The following ZNF423 variants were observed in gnomAD, a reference collection of about 807,000 sequenced individuals.
ZNF423 encodes the protein Ebf-associated zinc finger protein.
In ZNF423, 12 loss-of-function variants were observed where a neutral mutation model predicts 95.8. That is an observed-to-expected ratio of 0.13 (90% CI 0.08 to 0.20). The LOEUF (loss-of-function observed/expected upper bound fraction) is 0.20. ZNF423 is among the 10% of genes least tolerant of loss of function. ZNF423 has a pLI of 1.00. For missense variants in ZNF423, 1,316 were observed against 1,737.1 expected (o/e 0.76, Z 4.31); for synonymous variants, 749 against 711.9 (o/e 1.05, Z -0.83).
chr16:49,578,561 C>T (rs1970569265), intron 5 of ZNF423, among the ~76,000 whole-genome samples: 1 of 152,184 alleles, frequency 6.6e-6, no homozygotes, highest in Non-Finnish European at 1.5e-5. Context: ...TATTTCCCAG[C>T]CCCCTCGCCT....
intron 5 of ZNF423, among the ~76,000 whole-genome samples, chr16:49,599,567 T>A (rs1971290845): frequency 6.6e-6 from 1 of 152,162 alleles, no homozygotes; most frequent in Non-Finnish European, 1.5e-5. Flanking sequence ...CAGATGGGCT[T>A]AGCAGCACTG....
chr16:49,643,681 T>TA (rs942870222), intron 3 of ZNF423, among the ~76,000 whole-genome samples: 9 of 150,448 alleles, frequency 6.0e-5, no homozygotes, highest in East Asian at 2.0e-4. Flanking sequence ...AAAAATGAGT[T>TA]AAAAAAACAC....
At chr16:49,527,753 AAC>A (rs1345361316) in intron 5 of ZNF423, among the ~76,000 whole-genome samples, 1 of 152,190 alleles carries the variant, frequency 6.6e-6, no homozygotes, top group Admixed American at 6.5e-5. Flanking sequence ...TTACTCAAGT[AAC>A]ACAGCCAGAT....
chr16:49,651,555 C>A (rs758672215), intron 3 of ZNF423, among the ~76,000 whole-genome samples: 11 of 152,208 alleles, frequency 7.2e-5, no homozygotes, highest in Non-Finnish European at 1.3e-4. Context: ...CCAGCTCCCC[C>A]ACTTACTATG....
At chr16:49,693,104 C>T (rs1361679503) in intron 3 of ZNF423, among the ~76,000 whole-genome samples, 1 of 152,202 alleles carries the variant, frequency 6.6e-6, no homozygotes, top group Non-Finnish European at 1.5e-5. Flanking sequence ...ACATTAAGTG[C>T]TTATTACATG....
rs1297510160 is a variant in ZNF423 at position 49,855,992 on chromosome 16, G to C, written c.-218C>G. On this transcript the variant is annotated 5_prime_UTR_variant, in exon 1 of 8. Coordinates refer to ENST00000563137, the MANE Select transcript of ZNF423 (RefSeq NM_001379286.1). The surrounding 1 kb of genome is among the most constrained non-coding windows in gnomAD (Gnocchi z 4.7). The stretch of plus-strand genomic sequence containing the variant: ...GGCCGAGGCCGCTCGAAGGCGGGGG[G>C]AGGCCCGGGGGGCGCGCCGGGGCCC... 2 of 150,866 alleles carry C rather than the reference G, an allele frequency of 1.3e-5. No individual in the cohort carries two copies. Among genetic ancestry groups the C allele is most frequent in the Non-Finnish European group, 3.0e-5 (2 of 67,534 alleles). 9.3% of individuals were successfully genotyped at this position (150,866 alleles called of 1,614,324 possible). A position where few individuals can be genotyped will look rare whatever the true frequency, so the allele number is the denominator to read the frequency against.
intron 2 of ZNF423, among the ~76,000 whole-genome samples, chr16:49,769,914 G>A (rs1355562203): frequency 2.0e-5 from 3 of 151,896 alleles, no homozygotes; most frequent in African/African-American, 4.8e-5. Flanking sequence ...TGGCTCTAAC[G>A]CCCCCTCCTT....
Position 49,603,396 on chromosome 16 carries a change from C to A in ZNF423, c.3601+22774G>T, listed in dbSNP as rs1230096952. ...AAAGCCCAGCATATGGTTTTATACC[C>A]TACTGTCACTGTCTAGATTTTTTTT... On this transcript the variant is annotated intron_variant, in intron 5 of 7. Transcript: ENST00000563137. The surrounding 1 kb of genome is among the most constrained non-coding windows in gnomAD (Gnocchi z 4.1). Among the ~76,000 whole-genome samples, 3 of 152,062 alleles carry A rather than the reference C, an allele frequency of 2.0e-5. No individual in the cohort carries two copies. The highest frequency in any genetic ancestry group is 7.3e-5 in the African/African-American group (3 of 41,362).
intron 3 of ZNF423, among the ~76,000 whole-genome samples, chr16:49,713,506 C>A (rs1596903579): frequency 6.6e-6 from 1 of 152,136 alleles, no homozygotes. Flanking sequence ...CCCTCAGCAG[C>A]CTCCCTACAG....
intron 5 of ZNF423, among the ~76,000 whole-genome samples, chr16:49,615,123 C>T (rs1404476327): frequency 8.1e-6 from 1 of 124,174 alleles, no homozygotes; most frequent in African/African-American, 3.0e-5. Flanking sequence ...AAGAAAGAAA[C>T]TCCATCTCAC....
intron 3 of ZNF423, among the ~76,000 whole-genome samples, chr16:49,694,506 T>C (rs2031897713): frequency 6.6e-6 from 1 of 152,242 alleles, no homozygotes; most frequent in Admixed American, 6.5e-5. Flanking sequence ...AAAAACATCC[T>C]GCCTCTGCTC....
chr16:49,649,638 T>TACACAC lies in ZNF423; in HGVS notation c.302-10770_302-10765dup, dbSNP rs58838858. ...AAAGAAACCCTTTACTGCTTTGAAG[T>TACACAC]ACACACACACACACACACACACACA... On this transcript the variant is annotated intron_variant, in intron 3 of 7. Coordinates refer to ENST00000563137, the MANE Select transcript of ZNF423 (RefSeq NM_001379286.1). Among the ~76,000 whole-genome samples the TACACAC allele has an allele frequency of 6.8e-3, 955 of 140,380 alleles. 31 individuals carry two copies. The highest frequency in any genetic ancestry group is 0.055 in the Admixed American group (756 of 13,840). The allele number at this position is 140,380 out of a possible 152,430, so 92.1% of individuals were successfully genotyped here. A position where few individuals can be genotyped will look rare whatever the true frequency, so the allele number is the denominator to read the frequency against.
chr16:49,846,176 C>T (rs1242059613), intron 1 of ZNF423, among the ~76,000 whole-genome samples: 1 of 152,028 alleles, frequency 6.6e-6, no homozygotes, highest in African/African-American at 2.4e-5. Context: ...GTGGCACATG[C>T]CTGTAATCCC....
intron 2 of ZNF423, among the ~76,000 whole-genome samples, chr16:49,764,104 A>G (rs1228919942): frequency 3.9e-5 from 6 of 152,212 alleles, no homozygotes; most frequent in African/African-American, 1.4e-4. Context: ...TACTTTTCTC[A>G]GGCCAAAGAG....
intron 1 of ZNF423, among the ~76,000 whole-genome samples, chr16:49,846,861 C>G (rs1305435634): frequency 6.6e-6 from 1 of 152,194 alleles, no homozygotes; most frequent in Non-Finnish European, 1.5e-5. Context: ...CAAGGTTCTG[C>G]AGCCTCCAGG....
chr16:49,774,518 T>C (rs2034088449), intron 2 of ZNF423, among the ~76,000 whole-genome samples: 1 of 152,192 alleles, frequency 6.6e-6, no homozygotes, highest in Non-Finnish European at 1.5e-5. Context: ...CGTGCGTGCA[T>C]GCAGGTGTAT....
At chr16:49,839,361 A>T (rs2035158510) in intron 1 of ZNF423, among the ~76,000 whole-genome samples, 1 of 152,086 alleles carries the variant, frequency 6.6e-6, no homozygotes, top group Non-Finnish European at 1.5e-5. Context: ...CCTCTGAGGT[A>T]ACGGGCTGTG....
chr16:49,620,194 T>G (rs995171351), intron 5 of ZNF423, among the ~76,000 whole-genome samples: 3 of 132,440 alleles, frequency 2.3e-5, no homozygotes, highest in Non-Finnish European at 4.9e-5. Flanking sequence ...TACACACACA[T>G]ACACATACAC....
chr16:49,650,664 A>T (rs899932402), intron 3 of ZNF423, among the ~76,000 whole-genome samples: 7 of 152,232 alleles, frequency 4.6e-5, no homozygotes, highest in African/African-American at 1.7e-4. Context: ...CCAGCATCCC[A>T]TTCAGTTAGT....
Sources: gnomAD v4.1 joint callset for allele counts (sites outside exome capture counted in the v4.1 genomes callset) on GRCh38, gnomAD v4.1.1 for gene constraint, Gnocchi (gnomAD v3.1) non-coding constraint, MANE v1.5 for transcripts, NCBI Gene and HGNC (gene_info 2026-07-23, HGNC 2026-07-21) for gene names.